Variants in CAMK1D observed in about 807,000 individuals in gnomAD.
The protein encoded by CAMK1D is calcium/calmodulin-dependent protein kinase type 1D.
A neutral mutation model predicts 47.7 loss-of-function variants in CAMK1D; 9 were observed. The ratio of observed to expected loss-of-function variants is 0.19; its 90% CI spans 0.11 to 0.33. The LOEUF is 0.33. Ranked by LOEUF, CAMK1D falls within the 10% of genes least tolerant of loss-of-function variation. CAMK1D has a pLI of 1.00. For missense variants in CAMK1D, 291 were observed against 488.7 expected, an observed-to-expected ratio of 0.60 and a Z score of 3.81; for synonymous variants, 184 against 184.9, an observed-to-expected ratio of 0.99 and a Z score of 0.04.
intron 2 of CAMK1D, among the ~76,000 whole-genome samples, chr10:12,602,778 A>G (rs915522266): frequency 1.3e-5 from 2 of 151,992 alleles, no homozygotes; most frequent in African/African-American, 4.8e-5. Flanking sequence ...CGCTCTGCCT[A>G]CACACTCCGC....
intron 7 of CAMK1D, among the ~76,000 whole-genome samples, chr10:12,814,699 T>A (rs1238771987): frequency 6.6e-6 from 1 of 152,130 alleles, no homozygotes; most frequent in East Asian, 1.9e-4. Flanking sequence ...CATGACCTAA[T>A]TACCCCTAAA....
At chr10:12,372,459 A>T (rs1838032810) in intron 1 of CAMK1D, among the ~76,000 whole-genome samples, 1 of 152,204 alleles carries the variant, frequency 6.6e-6, no homozygotes, top group Admixed American at 6.5e-5. Flanking sequence ...GCTCCCAGCC[A>T]TTGGTTTTCC....
intron 3 of CAMK1D, among the ~76,000 whole-genome samples, chr10:12,688,929 T>C (rs940618598): frequency 6.6e-6 from 1 of 152,206 alleles, no homozygotes; most frequent in Non-Finnish European, 1.5e-5. Context: ...CAGATCCACC[T>C]GCCTCGGCCT....
At chr10:12,749,270 C>A (rs1407763987) in intron 3 of CAMK1D, among the ~76,000 whole-genome samples, 1 of 151,706 alleles carries the variant, frequency 6.6e-6, no homozygotes, top group African/African-American at 2.4e-5. Context: ...GGAAAAAAAT[C>A]TTTGTCATTT....
At chr10:12,471,870 A>G (rs1272184298) in intron 1 of CAMK1D, among the ~76,000 whole-genome samples, 2 of 151,646 alleles carry the variant, frequency 1.3e-5, no homozygotes, top group African/African-American at 4.8e-5. Flanking sequence ...TCTCTCTACA[A>G]AAAAATACAA....
intron 2 of CAMK1D, among the ~76,000 whole-genome samples, chr10:12,590,288 G>T (rs916979526): frequency 6.6e-6 from 1 of 151,946 alleles, no homozygotes; most frequent in Non-Finnish European, 1.5e-5. Context: ...CACCATCATC[G>T]CCCACTGCAG....
intron 2 of CAMK1D, among the ~76,000 whole-genome samples, chr10:12,557,346 G>A (rs1977437): frequency 0.068 from 10,300 of 151,938 alleles, 393 homozygotes; most frequent in Middle Eastern, 0.12. Flanking sequence ...TCAGGAGATC[G>A]AGACAATCCT....
intron 3 of CAMK1D, 46 bp downstream of exon 3, chr10:12,666,856 T>A: frequency 6.9e-7 from 1 of 1,443,494 alleles, no homozygotes; most frequent in Non-Finnish European, 9.7e-7. Flanking sequence ...ACTTGCAAAC[T>A]CCAATGTCTA....
rs548417279 is a variant in CAMK1D at position 12,417,168 on chromosome 10, A to G, written c.92+67258A>G. On this transcript the variant is annotated intron_variant, in intron 1 of 10. Coordinates refer to ENST00000619168, the MANE Select transcript of CAMK1D (RefSeq NM_153498.4). Reference sequence around the variant, plus strand: ...GGCATATAGCAAGTTTTCAAAAAATATTAGCTGTTAATATTATTTTTATTA... The same window carrying G: ...GGCATATAGCAAGTTTTCAAAAAATGTTAGCTGTTAATATTATTTTTATTA... Among the ~76,000 whole-genome samples the G allele has an allele frequency of 1.6e-3, 247 of 152,316 alleles. 3 individuals carry two copies. Among genetic ancestry groups the G allele is most frequent in the African/African-American group, 5.2e-3 (218 of 41,576 alleles).
At chr10:12,532,682 G>A (rs966028154) in intron 1 of CAMK1D, among the ~76,000 whole-genome samples, 14 of 152,142 alleles carry the variant, frequency 9.2e-5, no homozygotes, top group African/African-American at 3.4e-4. Flanking sequence ...CCAAGATTTG[G>A]AAGTAACTTA....
intron 3 of CAMK1D, among the ~76,000 whole-genome samples, chr10:12,753,877 C>T (rs942465381): frequency 5.9e-5 from 9 of 152,142 alleles, no homozygotes; most frequent in Admixed American, 2.0e-4. Context: ...AAATACTGCT[C>T]CTCCTTTTTA....
At chr10:12,618,794 T>C (rs533941362) in intron 2 of CAMK1D, among the ~76,000 whole-genome samples, 1 of 152,338 alleles carries the variant, frequency 6.6e-6, no homozygotes, top group Admixed American at 6.5e-5. Flanking sequence ...ATATGGGTAG[T>C]AGTAATAATA....
intron 2 of CAMK1D, among the ~76,000 whole-genome samples, chr10:12,645,183 G>A (rs1302468770): frequency 1.3e-5 from 2 of 150,194 alleles, no homozygotes; most frequent in Non-Finnish European, 3.0e-5. Flanking sequence ...CCCACACTTT[G>A]TGCTTGACAG....
intron 3 of CAMK1D, among the ~76,000 whole-genome samples, chr10:12,730,210 G>A (rs942912361): frequency 6.6e-6 from 1 of 152,094 alleles, no homozygotes; most frequent in East Asian, 1.9e-4. Context: ...AGGGAGATGG[G>A]GTAGGATTCT....
At chr10:12,785,668 A>G (rs978774865) in intron 5 of CAMK1D, among the ~76,000 whole-genome samples, 17 of 152,074 alleles carry the variant, frequency 1.1e-4, no homozygotes, top group African/African-American at 3.6e-4. Context: ...GGACGCTGTG[A>G]TTTTTTGGAA....
chr10:12,456,909 G>T (rs1314385717), intron 1 of CAMK1D, among the ~76,000 whole-genome samples: 1 of 151,990 alleles, frequency 6.6e-6, no homozygotes, highest in East Asian at 1.9e-4. Flanking sequence ...CTGTTTCTGG[G>T]AATCTTTACT....
chr10:12,791,304 C>G, intron 6 of CAMK1D, 71 bp downstream of exon 6: 2 of 1,355,580 alleles, frequency 1.5e-6, no homozygotes, highest in Non-Finnish European at 2.1e-6. Context: ...ATACATGAAA[C>G]AAAATTTACC....
intron 1 of CAMK1D, among the ~76,000 whole-genome samples, chr10:12,371,969 A>G (rs1838019506): frequency 6.6e-6 from 1 of 152,124 alleles, no homozygotes; most frequent in African/African-American, 2.4e-5. Flanking sequence ...GCCCCGGCTT[A>G]AAAAATCTTT....
intron 3 of CAMK1D, among the ~76,000 whole-genome samples, chr10:12,722,072 C>T (rs1182388157): frequency 6.6e-6 from 1 of 152,000 alleles, no homozygotes. Context: ...CTCCACAGGC[C>T]CCCCATTCCT....
Sources: allele counts gnomAD v4.1 joint callset (sites outside exome capture counted in the v4.1 genomes callset), GRCh38; gene constraint gnomAD v4.1.1; transcripts MANE v1.5; gene names NCBI Gene and HGNC (gene_info 2026-07-23, HGNC 2026-07-21).